PDGFRL: variants seen among roughly 807,000 people sequenced by gnomAD.
PDGFRL encodes the protein platelet derived growth factor receptor like, also known as platelet-derived growth factor receptor-like protein.
In PDGFRL, 46 loss-of-function variants were observed where a neutral mutation model predicts 37.2. That is an observed-to-expected ratio of 1.24 (90% CI 0.98 to 1.58). The LOEUF is 1.58. Among genes scored for constraint, PDGFRL ranks in the 40% most tolerant of loss-of-function variants. The pLI is 0.00. For synonymous variants in PDGFRL, 251 were observed against 184.3 expected (o/e 1.36, Z -2.93); for missense variants, 692 against 467.6 (o/e 1.48, Z -4.43).
At chr8:17,598,364 C>T (rs1208563148) in intron 2 of PDGFRL, among the ~76,000 whole-genome samples, 1 of 152,116 alleles carries the variant, frequency 6.6e-6, no homozygotes, top group Admixed American at 6.6e-5. Flanking sequence ...GTCCTTCTTC[C>T]CTCCTGAAAG....
At position 17,621,200 on chromosome 8, in the gene PDGFRL, C is replaced by A. The variant is rs190976134; in HGVS notation, c.503C>A (p.Thr168Lys). Residue 168 changes from threonine to lysine, a missense_variant and splice_region_variant, in exon 3 of 6, where the codon ACA becomes AAA. By Grantham distance (78) the Thr-to-Lys change is moderately conservative (BLOSUM62 -1). Coordinates refer to ENST00000251630, the MANE Select transcript of PDGFRL (RefSeq NM_001372073.1). The stretch of plus-strand genomic sequence containing the variant: ...ACGGGCTCCACCTACATCTTTTTTA[C>A]AGGTAAAATACTTGGTGCATTAATG... ...AKTGSTYIFFTEKGELFVPSP... is the reference protein window; with the variant it reads ...AKTGSTYIFFKEKGELFVPSP... 4.4e-6 allele frequency: 7 copies of A among 1,604,982 alleles called. No individual in the cohort carries two copies. The highest frequency in any genetic ancestry group is 6.0e-6 in the Non-Finnish European group (7 of 1,173,522).
chr8:17,607,365 T>C (rs1285021594), intron 2 of PDGFRL, among the ~76,000 whole-genome samples: 1 of 152,146 alleles, frequency 6.6e-6, no homozygotes, highest in African/African-American at 2.4e-5. Context: ...TGCTAACTCT[T>C]ACTTAAAAAT....
chr8:17,633,284 C>T (rs546727009), intron 4 of PDGFRL, among the ~76,000 whole-genome samples: 2 of 152,274 alleles, frequency 1.3e-5, no homozygotes, highest in African/African-American at 4.8e-5. Context: ...GGTGCAGTGG[C>T]TCATACCTTA....
chr8:17,601,026 T>A (rs1409552479), intron 2 of PDGFRL, among the ~76,000 whole-genome samples: 1 of 152,150 alleles, frequency 6.6e-6, no homozygotes, highest in Non-Finnish European at 1.5e-5. Context: ...TCTCCACACC[T>A]GGTCATCCTC....
At chr8:17,624,634 C>T (rs10088855) in intron 3 of PDGFRL, among the ~76,000 whole-genome samples, 13,601 of 152,178 alleles carry the variant, frequency 0.089, 1,786 homozygotes, top group African/African-American at 0.29. Context: ...TGGCTGGGTG[C>T]AGTGGCTCAT....
Position 17,638,738 on chromosome 8 carries a change from CATATATATATATATATATATAT to C in PDGFRL, c.940-3847_940-3826del, listed in dbSNP as rs56085770. Among the ~76,000 whole-genome samples, 413 of 47,358 alleles carry C rather than the reference CATATATATATATATATATATAT, an allele frequency of 8.7e-3. 9 individuals are homozygous for C. The highest frequency in any genetic ancestry group is 0.028 in the South Asian group (15 of 530). 31.1% of individuals were successfully genotyped at this position (47,358 alleles called of 152,430 possible). ...AATTTGGGAGCTCTGGCATTAGGTG[CATATATATATATATATATATAT>C]ATATATATATATATATATATATATA... On this transcript the variant is annotated intron_variant, in intron 5 of 5. Coordinates refer to ENST00000251630, the MANE Select transcript of PDGFRL (RefSeq NM_001372073.1).
upstream of PDGFRL, chr8:17,577,045 C>T: frequency 1.5e-6 from 1 of 664,822 alleles, no homozygotes; most frequent in South Asian, 2.1e-5. Context: ...ACCGCGGCTC[C>T]GCCAGGGGGC....
chr8:17,625,015 G>C (rs1033003692), intron 3 of PDGFRL, among the ~76,000 whole-genome samples: 3 of 151,702 alleles, frequency 2.0e-5, no homozygotes, highest in South Asian at 2.1e-4. Flanking sequence ...TATACTTTAA[G>C]TTTTAGGGTA....
At chr8:17,596,431 C>G (rs1335564634) in intron 2 of PDGFRL, 2 of 577,180 alleles carry the variant, frequency 3.5e-6, no homozygotes. Context: ...GATTCATGCA[C>G]TTTTTATAAA....
intron 3 of PDGFRL, among the ~76,000 whole-genome samples, chr8:17,627,405 T>G (rs756099106): frequency 1.3e-5 from 2 of 152,178 alleles, no homozygotes; most frequent in African/African-American, 4.8e-5. Flanking sequence ...AGGGGACATA[T>G]GTAATCTATA....
At chr8:17,606,988 C>T (rs2129690902) in intron 2 of PDGFRL, among the ~76,000 whole-genome samples, 1 of 147,570 alleles carries the variant, frequency 6.8e-6, no homozygotes, top group Non-Finnish European at 1.5e-5. Flanking sequence ...CTCCACCTCC[C>T]AGGTTCAAGC....
intron 2 of PDGFRL, among the ~76,000 whole-genome samples, chr8:17,603,943 G>A (rs539659191): frequency 1.3e-3 from 198 of 152,238 alleles, no homozygotes; most frequent in Middle Eastern, 6.8e-3. Flanking sequence ...AAGTGGGAAA[G>A]AGTATAAAAC....
At chr8:17,602,096 C>T (rs1223449182) in intron 2 of PDGFRL, among the ~76,000 whole-genome samples, 1 of 152,204 alleles carries the variant, frequency 6.6e-6, no homozygotes, top group Non-Finnish European at 1.5e-5. Context: ...TGTAAACTTC[C>T]CCTTTCCTCC....
intron 2 of PDGFRL, among the ~76,000 whole-genome samples, chr8:17,613,455 G>A (rs1414428460): frequency 6.6e-6 from 1 of 152,158 alleles, no homozygotes; most frequent in Admixed American, 6.5e-5. Context: ...AGTATGGCGG[G>A]CAGAGTCCAG....
chr8:17,622,205 T>C (rs1804649019), intron 3 of PDGFRL, among the ~76,000 whole-genome samples: 1 of 152,226 alleles, frequency 6.6e-6, no homozygotes, highest in African/African-American at 2.4e-5. Context: ...TCTGTAATGT[T>C]CTCTAAGTTC....
chr8:17,627,729 G>A (rs967262696), intron 3 of PDGFRL, among the ~76,000 whole-genome samples: 3 of 151,612 alleles, frequency 2.0e-5, no homozygotes, highest in Non-Finnish European at 4.4e-5. Context: ...ACCCGCCTCG[G>A]CCTCCCAAAG....
At chr8:17,598,984 A>G (rs1804110936) in intron 2 of PDGFRL, among the ~76,000 whole-genome samples, 1 of 152,138 alleles carries the variant, frequency 6.6e-6, no homozygotes, top group Non-Finnish European at 1.5e-5. Flanking sequence ...TCCTTTATAC[A>G]TTACTCAGTC....
rs563198819 is a variant in PDGFRL, at chr8:17,599,214, C to G, written c.353+9449C>G. The stretch of plus-strand genomic sequence containing the variant: ...ACATACGTTCTTTAGTGTGAGCCAT[C>G]AGATCCTGGTGCACCCGTCGTCACC... On this transcript the variant is annotated intron_variant, in intron 2 of 5. Transcript: ENST00000251630. 1.4e-4 allele frequency among the ~76,000 whole-genome samples: 21 copies of G among 152,246 alleles called. No individual in the cohort carries two copies. The East Asian group carries it at 4.1e-3, about 29-fold the overall frequency.
chr8:17,607,288 C>T (rs989358935), intron 2 of PDGFRL, among the ~76,000 whole-genome samples: 4 of 147,880 alleles, frequency 2.7e-5, no homozygotes, highest in African/African-American at 7.3e-5. Context: ...CATTGCTCGT[C>T]GATCTAGTCA....
Sources: gnomAD v4.1 joint callset for allele counts (sites outside exome capture counted in the v4.1 genomes callset) on GRCh38, gnomAD v4.1.1 for gene constraint, MANE v1.5 for transcripts, NCBI Gene and HGNC (gene_info 2026-07-23, HGNC 2026-07-21) for gene names.